Variants in NSG1 observed in about 807,000 individuals in gnomAD.
NSG1 encodes neuronal vesicle trafficking-associated protein 1.
Under a neutral mutation model 19.3 loss-of-function variants are expected in NSG1, and 9 were observed. The observed-to-expected ratio is 0.47, with a 90% CI of 0.28 to 0.81. The LOEUF is 0.81. NSG1 is among the 40% of genes least tolerant of loss of function. The pLI, the probability that NSG1 is intolerant of heterozygous loss-of-function variation, is 0.11. For synonymous variants in NSG1, 104 were observed against 107.0 expected, an observed-to-expected ratio of 0.97 and a Z score of 0.17; for missense variants, 236 against 242.4, an observed-to-expected ratio of 0.97 and a Z score of 0.18.
In NSG1 at chr4:4,417,917, C is replaced by T; in HGVS notation, c.*482C>T. 4.8e-6 allele frequency: 1 copy of T among 206,818 alleles called. No homozygotes were observed. Among genetic ancestry groups the T allele is most frequent in the South Asian group, 7.7e-5 (1 of 12,962 alleles). 12.8% of individuals were successfully genotyped at this position (206,818 alleles called of 1,614,324 possible). The stretch of plus-strand genomic sequence containing the variant: ...AACAGTGCTGACTGCTGCCAAGGTG[C>T]ACTGTAGTAAGTAAGTGGCATAGAG... On this transcript the variant is annotated 3_prime_UTR_variant, in exon 5 of 5. Transcript: ENST00000621129.
intron 4 of NSG1, among the ~76,000 whole-genome samples, chr4:4,410,016 G>A (rs762516958): frequency 3.0e-4 from 46 of 152,334 alleles, no homozygotes; most frequent in Admixed American, 5.2e-4. Flanking sequence ...GGATCCCAGC[G>A]GATTGCTCTG....
intron 2 of NSG1, 52 bp downstream of exon 2, chr4:4,387,810 G>T (rs1335469361): frequency 3.4e-6 from 5 of 1,483,578 alleles, no homozygotes; most frequent in South Asian, 2.4e-5. Flanking sequence ...CCCAAATCTC[G>T]CACGGCGGGC....
chr4:4,390,171 C>T (rs183936344), intron 2 of NSG1, among the ~76,000 whole-genome samples: 16 of 152,288 alleles, frequency 1.1e-4, no homozygotes, highest in South Asian at 8.3e-4. Flanking sequence ...TGGGTCCAGT[C>T]GGGGTTTGAG....
chr4:4,400,883 C>T lies in NSG1; in HGVS notation c.247-8690C>T, dbSNP rs759446626. Among the ~76,000 whole-genome samples, 58 of 152,164 alleles carry T rather than the reference C, an allele frequency of 3.8e-4. 1 individual carries two copies. Among genetic ancestry groups the T allele is most frequent in the African/African-American group, 1.3e-3 (55 of 41,432 alleles). On this transcript the variant is annotated intron_variant, in intron 3 of 4. Transcript: ENST00000621129. ...ACAAATTTATATTTTTGTAATATTT[C>T]GATACCAGTATTTCAATATAATCAG...
intron 3 of NSG1, among the ~76,000 whole-genome samples, chr4:4,392,910 C>T (rs142257264): frequency 6.6e-6 from 1 of 152,166 alleles, no homozygotes; most frequent in Non-Finnish European, 1.5e-5. Flanking sequence ...CTTTTGGTGG[C>T]TCCTGGCTCG....
chr4:4,390,644 T>C (rs1722943436), intron 2 of NSG1, among the ~76,000 whole-genome samples: 1 of 152,148 alleles, frequency 6.6e-6, no homozygotes, highest in Non-Finnish European at 1.5e-5. Context: ...GTTTGGGGAT[T>C]AGAGACCTAT....
chr4:4,392,864 G>A (rs1230801760), intron 3 of NSG1, among the ~76,000 whole-genome samples: 12 of 152,184 alleles, frequency 7.9e-5, no homozygotes, highest in Admixed American at 7.8e-4. Context: ...GTCTGTCCCT[G>A]CTGGTATGTA....
intron 2 of NSG1, among the ~76,000 whole-genome samples, chr4:4,388,148 G>C (rs1282574597): frequency 6.6e-6 from 1 of 152,164 alleles, no homozygotes; most frequent in Non-Finnish European, 1.5e-5. Flanking sequence ...TACCTTCCCG[G>C]GTGTGGCAGT....
intron 4 of NSG1, among the ~76,000 whole-genome samples, chr4:4,413,501 G>C (rs1724338139): frequency 1.3e-5 from 2 of 151,286 alleles, no homozygotes; most frequent in African/African-American, 2.4e-5. Context: ...GAAGCGGAGG[G>C]TGCGGGCTTC....
intron 3 of NSG1, among the ~76,000 whole-genome samples, chr4:4,406,461 G>GACC (rs1343354651): frequency 6.6e-6 from 1 of 152,176 alleles, no homozygotes; most frequent in Admixed American, 6.5e-5. Context: ...AGTCCTTCTG[G>GACC]ACCACCCTGA....
At chr4:4,391,098 G>T (rs1327760565) in intron 2 of NSG1, among the ~76,000 whole-genome samples, 1 of 152,218 alleles carries the variant, frequency 6.6e-6, no homozygotes, top group Non-Finnish European at 1.5e-5. Context: ...TGAAAAGGCA[G>T]GTGCAGCCTC....
At chr4:4,414,125 C>A (rs553398055) in intron 4 of NSG1, among the ~76,000 whole-genome samples, 26 of 152,030 alleles carry the variant, frequency 1.7e-4, no homozygotes, top group Non-Finnish European at 3.4e-4. Flanking sequence ...CCTCTCTGAG[C>A]CTGGAGCAGG....
At chr4:4,415,738 T>C (rs777179621) in intron 4 of NSG1, 16 of 205,928 alleles carry the variant, frequency 7.8e-5, no homozygotes, top group Non-Finnish European at 1.3e-4. Flanking sequence ...CCACAGGTGT[T>C]GGCCGCATCA....
At chr4:4,390,630 C>T (rs4689416) in intron 2 of NSG1, among the ~76,000 whole-genome samples, 105,159 of 152,008 alleles carry the variant, frequency 0.69, 36,668 homozygotes, top group Admixed American at 0.74. Flanking sequence ...GCTTGGGGAG[C>T]GGGGTTTGGG....
At chr4:4,406,856 TATC>T (rs903445522) in intron 3 of NSG1, among the ~76,000 whole-genome samples, 2 of 152,188 alleles carry the variant, frequency 1.3e-5, no homozygotes, top group Non-Finnish European at 2.9e-5. Context: ...GGCTTGCGGC[TATC>T]ATCGCCAGGC....
intron 3 of NSG1, among the ~76,000 whole-genome samples, chr4:4,394,208 G>C (rs771322613): frequency 2.6e-5 from 4 of 152,258 alleles, no homozygotes; most frequent in Admixed American, 1.3e-4. Context: ...CACCCCAGGC[G>C]CCATCGCTGT....
At chr4:4,411,743 AAAAACAAAACAAAACAAAAC>A (rs56166051) in intron 4 of NSG1, among the ~76,000 whole-genome samples, 22,677 of 140,224 alleles carry the variant, frequency 0.16, 1,859 homozygotes, top group African/African-American at 0.22. Flanking sequence ...GACTCCGTCT[AAAAACAAAACAAAACAAAAC>A]AAAACAAAAC....
chr4:4,398,452 C>CA (rs1449001850), intron 3 of NSG1, among the ~76,000 whole-genome samples: 2 of 152,092 alleles, frequency 1.3e-5, no homozygotes, highest in African/African-American at 2.4e-5. Flanking sequence ...CATGCCCCCC[C>CA]CCACAGCCCC....
intron 2 of NSG1, 117 bp downstream of exon 2, chr4:4,387,875 G>A (rs1260862227): frequency 2.3e-5 from 20 of 851,540 alleles, no homozygotes; most frequent in Non-Finnish European, 3.6e-5. Context: ...GGCGGGCTCG[G>A]GAGGCCGGAG....
Sources: gnomAD v4.1 joint callset for allele counts (sites outside exome capture counted in the v4.1 genomes callset) on GRCh38, gnomAD v4.1.1 for gene constraint, MANE v1.5 for transcripts, NCBI Gene and HGNC (gene_info 2026-07-23, HGNC 2026-07-21) for gene names.